ALPK1: variants seen among roughly 807,000 people sequenced by gnomAD.
ALPK1 encodes alpha-protein kinase 1.
A neutral mutation model predicts 120.6 loss-of-function variants in ALPK1; 110 were observed. That is an observed-to-expected ratio of 0.91 (90% confidence interval 0.78 to 1.07). ALPK1 has a LOEUF of 1.07. Ranked by LOEUF, ALPK1 falls within the 50% of genes least tolerant of loss-of-function variation. The probability of loss-of-function intolerance (pLI) is 0.00; values close to 1 mark genes in which losing one functional copy is unlikely to be tolerated. For synonymous variants in ALPK1, 582 were observed against 560.3 expected, an observed-to-expected ratio of 1.04 and a Z score of -0.55; for missense variants, 1,498 against 1,483.9, an observed-to-expected ratio of 1.01 and a Z score of -0.16.
chr4:112,355,135 C>T (rs958372386), intron 2 of ALPK1, among the ~76,000 whole-genome samples: 15 of 152,274 alleles, frequency 9.9e-5, no homozygotes, highest in African/African-American at 3.4e-4. Flanking sequence ...TTCTCAGATA[C>T]TTCATGTATA....
chr4:112,439,708 A>G lies in ALPK1; in HGVS notation c.3374A>G (p.Lys1125Arg), dbSNP rs1734946578. Residue 1125 changes from lysine (K) to arginine (R), a missense_variant, in exon 14 of 16, where the codon AAG becomes AGG. By Grantham distance (26) the Lys-to-Arg change is conservative. Transcript: ENST00000650871. The part of the protein sequence containing the change: ...ILLILEDKTI[K>R]GCISVEPYIL... Reference sequence around the variant, plus strand: ...CAGATTTTAGAGGACAAGACAATAAAGGGATGTATCAGTGTGGAGCCTTAC... The same window carrying G: ...CAGATTTTAGAGGACAAGACAATAAGGGGATGTATCAGTGTGGAGCCTTAC... The G allele has an allele frequency of 6.2e-7, 1 of 1,607,062 alleles. No homozygotes were observed. The highest frequency in any genetic ancestry group is 1.7e-5 in the Admixed American group (1 of 57,854).
At chr4:112,393,056 A>G (rs1412231775) in intron 4 of ALPK1, among the ~76,000 whole-genome samples, 3 of 152,190 alleles carry the variant, frequency 2.0e-5, no homozygotes, top group Non-Finnish European at 4.4e-5. Context: ...TTGATGAAAC[A>G]CCTAACATGT....
intron 2 of ALPK1, among the ~76,000 whole-genome samples, chr4:112,373,524 T>C (rs1731510587): frequency 6.6e-6 from 1 of 152,176 alleles, no homozygotes. Context: ...GAGATTAAAT[T>C]TGTGCAAGTG....
intron 2 of ALPK1, among the ~76,000 whole-genome samples, chr4:112,324,126 G>C (rs1180388283): frequency 6.6e-6 from 1 of 152,138 alleles, no homozygotes; most frequent in African/African-American, 2.4e-5. Flanking sequence ...AGGAGATCGA[G>C]ACCATCCTGG....
intron 1 of ALPK1, among the ~76,000 whole-genome samples, chr4:112,312,519 AC>A (rs1728451827): frequency 6.6e-6 from 1 of 152,110 alleles, no homozygotes; most frequent in Non-Finnish European, 1.5e-5. Context: ...TCATCCGCCC[AC>A]CTCGGCCTTC....
chr4:112,359,258 G>T, intron 2 of ALPK1: 1 of 531,708 alleles, frequency 1.9e-6, no homozygotes. Flanking sequence ...AGCAGGGCCA[G>T]CATGCCATGA....
At chr4:112,414,608 C>CAAAAAA (rs397975906) in intron 5 of ALPK1, 1 of 146,330 alleles carries the variant, frequency 6.8e-6, no homozygotes, top group Non-Finnish European at 1.5e-5. Flanking sequence ...GACTTCGTCT[C>CAAAAAA]AAAAAAAAAA....
intron 5 of ALPK1, among the ~76,000 whole-genome samples, chr4:112,421,384 C>T (rs536053115): frequency 2.0e-4 from 31 of 152,308 alleles, no homozygotes; most frequent in Admixed American, 1.7e-3. Flanking sequence ...GAAGCTCTTT[C>T]GCTTGGTCAG....
At chr4:112,386,849 C>T (rs200833612) in intron 4 of ALPK1, among the ~76,000 whole-genome samples, 5 of 152,140 alleles carry the variant, frequency 3.3e-5, no homozygotes, top group Non-Finnish European at 5.9e-5. Context: ...TTTTCTCCCT[C>T]TCTTATTTAA....
chr4:112,318,271 A>G (rs1025716139), intron 2 of ALPK1, among the ~76,000 whole-genome samples: 2 of 152,238 alleles, frequency 1.3e-5, no homozygotes, highest in African/African-American at 2.4e-5. Context: ...AAGGAAATAA[A>G]TGCTGAAATT....
intron 1 of ALPK1, among the ~76,000 whole-genome samples, chr4:112,310,081 G>A: frequency 6.6e-6 from 1 of 152,014 alleles, no homozygotes; most frequent in East Asian, 1.9e-4. Flanking sequence ...CACATTGTAG[G>A]TGGACAATAC....
chr4:112,315,303 A>C (rs1353381392), intron 1 of ALPK1, among the ~76,000 whole-genome samples: 1 of 152,190 alleles, frequency 6.6e-6, no homozygotes, highest in African/African-American at 2.4e-5. Context: ...TAGTAAATAG[A>C]CTTTTTTAAA....
At chr4:112,405,377 C>T (rs928088884) in intron 4 of ALPK1, among the ~76,000 whole-genome samples, 27 of 152,128 alleles carry the variant, frequency 1.8e-4, no homozygotes, top group Admixed American at 1.4e-3. Flanking sequence ...AATTAAAAGC[C>T]ACCTCCCGGG....
chr4:112,327,670 C>T (rs769138512), intron 2 of ALPK1, among the ~76,000 whole-genome samples: 73 of 152,250 alleles, frequency 4.8e-4, no homozygotes, highest in Middle Eastern at 3.4e-3. Context: ...GTCTCGAATT[C>T]CTGGCATCAG....
intron 4 of ALPK1, among the ~76,000 whole-genome samples, chr4:112,386,670 G>A (rs945317681): frequency 2.6e-5 from 4 of 152,072 alleles, no homozygotes; most frequent in Non-Finnish European, 4.4e-5. Flanking sequence ...TGTAAACACC[G>A]AGCTGCCCTG....
At chr4:112,404,737 C>T (rs923380054) in intron 4 of ALPK1, among the ~76,000 whole-genome samples, 2 of 152,180 alleles carry the variant, frequency 1.3e-5, no homozygotes, top group African/African-American at 2.4e-5. Flanking sequence ...AGATTGTAAA[C>T]TTTACCTTCT....
At chr4:112,397,932 G>T (rs933284817) in intron 4 of ALPK1, among the ~76,000 whole-genome samples, 1 of 152,070 alleles carries the variant, frequency 6.6e-6, no homozygotes, top group Non-Finnish European at 1.5e-5. Context: ...ATGAGATTGG[G>T]CACAGTCAGA....
intron 2 of ALPK1, among the ~76,000 whole-genome samples, chr4:112,360,198 T>C (rs1730850461): frequency 1.3e-5 from 2 of 152,104 alleles, no homozygotes; most frequent in Admixed American, 1.3e-4. Flanking sequence ...ATCTGTCTTA[T>C]TTCATTTAAC....
At chr4:112,373,172 G>A (rs33955855) in intron 2 of ALPK1, among the ~76,000 whole-genome samples, 83,149 of 152,078 alleles carry the variant, frequency 0.55, 23,809 homozygotes, top group East Asian at 0.83. Flanking sequence ...TTTAGCCAAT[G>A]TCTCCCTCTG....
Sources: allele counts gnomAD v4.1 joint callset (sites outside exome capture counted in the v4.1 genomes callset), GRCh38; gene constraint gnomAD v4.1.1; transcripts MANE v1.5; gene names NCBI Gene and HGNC (gene_info 2026-07-23, HGNC 2026-07-21).